The following CADPS variants were observed in gnomAD, a reference collection of about 807,000 sequenced individuals.
CADPS encodes the protein calcium-dependent secretion activator 1.
CADPS carries 57 observed loss-of-function variants against 167.3 expected under a neutral mutation model. That is an observed-to-expected ratio of 0.34 (90% confidence interval 0.28 to 0.42). The LOEUF (loss-of-function observed/expected upper bound fraction) is 0.42. CADPS is among the 20% of genes least tolerant of loss of function. CADPS has a pLI of 1.00. For synonymous variants in CADPS, 676 were observed against 635.3 expected, an observed-to-expected ratio of 1.06 and a Z score of -0.96; for missense variants, 1,414 against 1,738.1, an observed-to-expected ratio of 0.81 and a Z score of 3.32.
rs942906583 is a variant in CADPS, at chr3:62,850,150, T to C, written c.441+24439A>G. On this transcript the variant is annotated intron_variant, in intron 1 of 29. Transcript: ENST00000383710. ...CCCCTTTATCATTTTTTATCGTGTC[T>C]ATTTGATTCTTCTCTCTTTTTTTAT... Among the ~76,000 whole-genome samples, 2 of 132,502 alleles carry C rather than the reference T, an allele frequency of 1.5e-5. 1 individual carries two copies. The highest frequency in any genetic ancestry group is 5.4e-5 in the African/African-American group (2 of 36,856). 86.9% of individuals were successfully genotyped at this position (132,502 alleles called of 152,430 possible). A position where few individuals can be genotyped will look rare whatever the true frequency, so the allele number is the denominator to read the frequency against.
intron 10 of CADPS, among the ~76,000 whole-genome samples, chr3:62,554,362 A>T (rs1050536560): frequency 2.0e-5 from 3 of 152,180 alleles, no homozygotes; most frequent in Non-Finnish European, 4.4e-5. Flanking sequence ...TGGGGGAACC[A>T]CGTAGATTGT....
chr3:62,448,861 G>A (rs192905622), intron 26 of CADPS, among the ~76,000 whole-genome samples: 190 of 152,260 alleles, frequency 1.2e-3, no homozygotes, highest in African/African-American at 4.5e-3. Context: ...TGATCTGCCT[G>A]CCTCGGCCTC....
intron 1 of CADPS, among the ~76,000 whole-genome samples, chr3:62,797,189 T>G (rs1476273544): frequency 6.6e-6 from 1 of 151,970 alleles, no homozygotes; most frequent in Non-Finnish European, 1.5e-5. Context: ...CCTCAGGGAG[T>G]GTCCATGAAA....
At position 62,645,760 on chromosome 3, in the gene CADPS, C is replaced by A; in HGVS notation, c.1287G>T (p.Glu429Asp). 2 of 1,614,116 alleles carry A rather than the reference C, an allele frequency of 1.2e-6. No individual in the cohort carries two copies. The highest frequency in any genetic ancestry group is 1.7e-6 in the Non-Finnish European group (2 of 1,179,984). The change falls in exon 6 of 30, where the codon GAG becomes GAT. Residue 429 changes from glutamate (E) to aspartate (D), a missense_variant. Transcript: ENST00000383710. ...VYCTMEVEGG[E>D]KLQTDQAEAS... ...CCTCGGCCTGATCAGTCTGTAGTTT[C>A]TCTCCTCCTTCCACCTCCATTGTGC...
At chr3:62,451,119 G>A (rs1488367427) in intron 26 of CADPS, among the ~76,000 whole-genome samples, 1 of 152,026 alleles carries the variant, frequency 6.6e-6, no homozygotes, top group East Asian at 1.9e-4. Flanking sequence ...AGTGCAGAAG[G>A]TCCAAAATAG....
chr3:62,730,743 AC>A (rs2152119076), intron 3 of CADPS, among the ~76,000 whole-genome samples: 1 of 152,320 alleles, frequency 6.6e-6, no homozygotes, highest in Non-Finnish European at 1.5e-5. Context: ...CAAAGCTGTT[AC>A]TTTTGCCAAT....
At chr3:62,851,801 C>T (rs2078651832) in intron 1 of CADPS, among the ~76,000 whole-genome samples, 1 of 150,226 alleles carries the variant, frequency 6.7e-6, no homozygotes, top group South Asian at 2.1e-4. Flanking sequence ...CTCTGTATTT[C>T]CTGAATCTGA....
intron 1 of CADPS, among the ~76,000 whole-genome samples, chr3:62,805,293 A>G (rs1179203434): frequency 6.6e-6 from 1 of 152,166 alleles, no homozygotes. Flanking sequence ...AGTGTACTGT[A>G]TCCATCCTCT....
intron 28 of CADPS, among the ~76,000 whole-genome samples, chr3:62,411,483 T>C (rs1471438119): frequency 4.6e-5 from 7 of 152,246 alleles, no homozygotes; most frequent in African/African-American, 1.2e-4. Context: ...ATTGCTATAT[T>C]GAAATACTGT....
At position 62,715,901 on chromosome 3, in the gene CADPS, A is replaced by C. The variant is rs2084462503; in HGVS notation, c.888+37540T>G. On this transcript the variant is annotated intron_variant, in intron 3 of 29. Transcript: ENST00000383710. ...GCTGGAACTACAGGCACCCGCCACC[A>C]CACCTGGCTAATTTTTTGTATTTTT... is the stretch of plus-strand genomic sequence containing the variant. Among the ~76,000 whole-genome samples, 2 of 149,936 alleles carry C rather than the reference A, an allele frequency of 1.3e-5. 1 individual carries two copies. The highest frequency in any genetic ancestry group is 4.3e-4 in the South Asian group (2 of 4,688).
intron 28 of CADPS, among the ~76,000 whole-genome samples, chr3:62,416,033 G>A (rs571739896): frequency 7.9e-5 from 12 of 152,160 alleles, no homozygotes; most frequent in African/African-American, 2.9e-4. Flanking sequence ...ATTTTTCTCA[G>A]TGCTTCAGAA....
intron 10 of CADPS, among the ~76,000 whole-genome samples, chr3:62,551,246 G>C (rs2077274328): frequency 6.6e-6 from 1 of 152,082 alleles, no homozygotes; most frequent in Admixed American, 6.5e-5. Flanking sequence ...CAGCAAAGCT[G>C]AGCCCATCTC....
At chr3:62,710,851 T>C (rs2083260460) in intron 3 of CADPS, among the ~76,000 whole-genome samples, 1 of 147,002 alleles carries the variant, frequency 6.8e-6, no homozygotes. Context: ...ACACTCAGGC[T>C]AACCGGAGCT....
At chr3:62,573,760 A>G (rs1210702996) in intron 8 of CADPS, among the ~76,000 whole-genome samples, 1 of 152,156 alleles carries the variant, frequency 6.6e-6, no homozygotes, top group Non-Finnish European at 1.5e-5. Context: ...TTCTGCTGTT[A>G]CAGTTATCAC....
intron 28 of CADPS, among the ~76,000 whole-genome samples, chr3:62,415,308 C>A (rs1381393612): frequency 6.6e-6 from 1 of 152,060 alleles, no homozygotes; most frequent in Non-Finnish European, 1.5e-5. Flanking sequence ...ATTACACATA[C>A]AGAAAAACAT....
intron 7 of CADPS, among the ~76,000 whole-genome samples, chr3:62,590,624 G>C (rs77681660): frequency 6.6e-6 from 1 of 151,980 alleles, no homozygotes; most frequent in Non-Finnish European, 1.5e-5. Flanking sequence ...ATGAAAGCCA[G>C]ATTGGAAAAA....
intron 26 of CADPS, 92 bp from the exon 27 acceptor site, chr3:62,445,889 C>T (rs2057142328): frequency 1.3e-6 from 1 of 799,098 alleles, no homozygotes; most frequent in Non-Finnish European, 1.8e-6. Flanking sequence ...ATCAAAACAA[C>T]ATGCTGGCAC....
At chr3:62,441,692 T>C (rs1053490985) in intron 27 of CADPS, among the ~76,000 whole-genome samples, 17 of 152,156 alleles carry the variant, frequency 1.1e-4, no homozygotes, top group Non-Finnish European at 2.1e-4. Context: ...GCTTCAGAGA[T>C]AGAAATGAGT....
intron 10 of CADPS, among the ~76,000 whole-genome samples, chr3:62,556,322 G>C (rs552190139): frequency 2.5e-4 from 38 of 152,336 alleles, no homozygotes; most frequent in African/African-American, 8.2e-4. Context: ...AAAGACCGAA[G>C]GGGTGGCGCT....
Sources: allele counts gnomAD v4.1 joint callset (sites outside exome capture counted in the v4.1 genomes callset), GRCh38; gene constraint gnomAD v4.1.1; transcripts MANE v1.5; gene names NCBI Gene and HGNC (gene_info 2026-07-23, HGNC 2026-07-21).